The following GALNT7 variants were observed in gnomAD, a reference collection of about 807,000 sequenced individuals.
GALNT7 encodes the protein polypeptide N-acetylgalactosaminyltransferase 7, also known as N-acetylgalactosaminyltransferase 7.
GALNT7 carries 60 observed loss-of-function variants against 82.1 expected under a neutral mutation model. The observed-to-expected ratio is 0.73, with a 90% confidence interval of 0.59 to 0.91. GALNT7 has a LOEUF of 0.91. Among genes scored for constraint, GALNT7 ranks in the 40% least tolerant of loss-of-function variants. The pLI, the probability that GALNT7 is intolerant of heterozygous loss-of-function variation, is 0.00. For synonymous variants in GALNT7, 243 were observed against 275.1 expected (o/e 0.88, Z 1.15); for missense variants, 660 against 804.2 (o/e 0.82, Z 2.17).
chr4:173,258,044 G>A (rs1453444608), intron 2 of GALNT7, among the ~76,000 whole-genome samples: 1 of 152,134 alleles, frequency 6.6e-6, no homozygotes, highest in Non-Finnish European at 1.5e-5. Flanking sequence ...AGTTGGGGAA[G>A]GGGTATTAAA....
At chr4:173,265,208 C>T (rs1735435774) in intron 2 of GALNT7, among the ~76,000 whole-genome samples, 1 of 152,172 alleles carries the variant, frequency 6.6e-6, no homozygotes, top group East Asian at 1.9e-4. Context: ...CAAGCTCAAC[C>T]ATGCTAGCAT....
intron 2 of GALNT7, among the ~76,000 whole-genome samples, chr4:173,269,344 C>T (rs1193398891): frequency 1.3e-5 from 2 of 152,104 alleles, no homozygotes; most frequent in Non-Finnish European, 2.9e-5. Flanking sequence ...TCCTTCCCAC[C>T]CCTCCCCACT....
intron 2 of GALNT7, among the ~76,000 whole-genome samples, chr4:173,290,464 T>C: frequency 6.6e-6 from 1 of 152,144 alleles, no homozygotes; most frequent in Non-Finnish European, 1.5e-5. Flanking sequence ...CAGCCAACTA[T>C]TAACAATGAT....
intron 1 of GALNT7, among the ~76,000 whole-genome samples, chr4:173,193,570 A>G (rs1162920800): frequency 6.6e-6 from 1 of 152,226 alleles, no homozygotes; most frequent in East Asian, 1.9e-4. Context: ...ATAATTTTTT[A>G]AAGTGATACT....
chr4:173,175,846 G>A (rs556251066), intron 1 of GALNT7, among the ~76,000 whole-genome samples: 14 of 152,312 alleles, frequency 9.2e-5, no homozygotes, highest in African/African-American at 3.4e-4. Flanking sequence ...GCCTAGGCAG[G>A]CGAATCACTT....
At chr4:173,189,391 A>G (rs1053288568) in intron 1 of GALNT7, among the ~76,000 whole-genome samples, 32 of 152,246 alleles carry the variant, frequency 2.1e-4, no homozygotes, top group African/African-American at 7.5e-4. Context: ...GTTATGAGTC[A>G]AATGGTTTTA....
At chr4:173,173,758 T>C (rs1237219003) in intron 1 of GALNT7, among the ~76,000 whole-genome samples, 1 of 152,214 alleles carries the variant, frequency 6.6e-6, no homozygotes, top group African/African-American at 2.4e-5. Flanking sequence ...AATGCAACTT[T>C]AGTCAAGTCA....
Position 173,258,031 on chromosome 4 carries a change from T to G in GALNT7, c.587+9591T>G, listed in dbSNP as rs563344828. On this transcript the variant is annotated intron_variant, in intron 2 of 11. Coordinates refer to ENST00000265000, the MANE Select transcript of GALNT7 (RefSeq NM_017423.3). Reference sequence around the variant, plus strand: ...AGGCTGATTTCTTCTCCCAGTGAGATTGAGTTGGGGAAGGGGTATTAAAGG... The same window carrying G: ...AGGCTGATTTCTTCTCCCAGTGAGAGTGAGTTGGGGAAGGGGTATTAAAGG... 2.0e-5 allele frequency among the ~76,000 whole-genome samples: 3 copies of G among 152,180 alleles called. No individual in the cohort carries two copies. The South Asian group carries it at 6.2e-4, about 32-fold the overall frequency.
intron 8 of GALNT7, among the ~76,000 whole-genome samples, chr4:173,305,528 T>TA (rs1388218475): frequency 6.6e-6 from 1 of 152,210 alleles, no homozygotes; most frequent in East Asian, 1.9e-4. Flanking sequence ...TTAGAAGTGT[T>TA]ACAGTTTTAG....
At chr4:173,306,505 G>C (rs1737161254) in intron 8 of GALNT7, among the ~76,000 whole-genome samples, 1 of 152,174 alleles carries the variant, frequency 6.6e-6, no homozygotes, top group Non-Finnish European at 1.5e-5. Flanking sequence ...CTGTGGACTT[G>C]TCATGTATGG....
intron 8 of GALNT7, among the ~76,000 whole-genome samples, chr4:173,304,957 T>A (rs988742164): frequency 6.6e-6 from 1 of 152,194 alleles, no homozygotes; most frequent in Non-Finnish European, 1.5e-5. Context: ...ATATCTTGAC[T>A]ATCGTGAATA....
intron 1 of GALNT7, among the ~76,000 whole-genome samples, chr4:173,229,744 G>C (rs895969739): frequency 6.6e-6 from 1 of 152,154 alleles, no homozygotes; most frequent in Non-Finnish European, 1.5e-5. Flanking sequence ...CATTGTATGG[G>C]TTCTTCTACC....
chr4:173,183,064 ACACACACAC>A lies in GALNT7; in HGVS notation c.126+14104_126+14112del, dbSNP rs1434083027. 3.3e-3 allele frequency among the ~76,000 whole-genome samples: 489 copies of A among 149,350 alleles called. 2 individuals are homozygous for A. Among genetic ancestry groups the A allele is most frequent in the South Asian group, 0.018 (82 of 4,676 alleles). ...CATAAACACACACACACACACACAC[ACACACACAC>A]ACACACACACACACACACTGCTTTT... On this transcript the variant is annotated intron_variant, in intron 1 of 11. Coordinates refer to ENST00000265000, the MANE Select transcript of GALNT7 (RefSeq NM_017423.3).
intron 1 of GALNT7, among the ~76,000 whole-genome samples, chr4:173,204,244 C>G (rs1695496461): frequency 6.6e-6 from 1 of 152,076 alleles, no homozygotes; most frequent in African/African-American, 2.4e-5. Context: ...CTTCTTTTCT[C>G]CTGCTTTCAT....
At chr4:173,207,911 C>G (rs909523537) in intron 1 of GALNT7, among the ~76,000 whole-genome samples, 1 of 152,166 alleles carries the variant, frequency 6.6e-6, no homozygotes, top group Non-Finnish European at 1.5e-5. Flanking sequence ...AAAAACGAAT[C>G]TCATTTTTTT....
At chr4:173,205,965 A>T (rs1269312006) in intron 1 of GALNT7, among the ~76,000 whole-genome samples, 1 of 151,700 alleles carries the variant, frequency 6.6e-6, no homozygotes, top group African/African-American at 2.4e-5. Context: ...GGGCTGCAGG[A>T]TCCTGCCTGG....
At chr4:173,189,292 C>T (rs1174867507) in intron 1 of GALNT7, among the ~76,000 whole-genome samples, 2 of 152,322 alleles carry the variant, frequency 1.3e-5, no homozygotes, top group South Asian at 2.1e-4. Context: ...TGCTACATTG[C>T]CACAGAGCCT....
chr4:173,279,435 C>T (rs60501935), intron 2 of GALNT7, among the ~76,000 whole-genome samples: 10,599 of 152,200 alleles, frequency 0.07, 736 homozygotes, highest in African/African-American at 0.18. Flanking sequence ...CTGGGGACTA[C>T]ATTTTAACAT....
At chr4:173,188,853 T>G (rs1732534806) in intron 1 of GALNT7, among the ~76,000 whole-genome samples, 2 of 152,238 alleles carry the variant, frequency 1.3e-5, no homozygotes, top group Non-Finnish European at 2.9e-5. Flanking sequence ...TTGATGGTAA[T>G]GCTCTTTAGC....
Sources: gnomAD v4.1 joint callset for allele counts (sites outside exome capture counted in the v4.1 genomes callset) on GRCh38, gnomAD v4.1.1 for gene constraint, MANE v1.5 for transcripts, NCBI Gene and HGNC (gene_info 2026-07-23, HGNC 2026-07-21) for gene names.